The following ASRGL1 variants were observed in gnomAD, a reference collection of about 807,000 sequenced individuals.
The protein encoded by ASRGL1 is asparaginase and isoaspartyl peptidase 1, also known as isoaspartyl peptidase/L-asparaginase.
ASRGL1 carries 16 observed loss-of-function variants against 22.4 expected under a neutral mutation model. The ratio of observed to expected loss-of-function variants is 0.71; its 90% CI spans 0.48 to 1.08. The LOEUF is 1.08. Ranked by LOEUF, ASRGL1 falls within the 50% of genes least tolerant of loss-of-function variation. ASRGL1 has a pLI of 0.00. For synonymous variants in ASRGL1, 165 were observed against 159.3 expected, an observed-to-expected ratio of 1.04 and a Z score of -0.27; for missense variants, 412 against 410.1, an observed-to-expected ratio of 1.00 and a Z score of -0.04.
downstream of ASRGL1, among the ~76,000 whole-genome samples, chr11:62,397,459 G>A (rs772968259): frequency 2.0e-5 from 3 of 151,992 alleles, no homozygotes; most frequent in Admixed American, 6.6e-5. Flanking sequence ...TGAGGTCAGG[G>A]TTCGAGACCA....
At chr11:62,385,397 C>G (rs1947176977) in intron 4 of ASRGL1, among the ~76,000 whole-genome samples, 1 of 152,052 alleles carries the variant, frequency 6.6e-6, no homozygotes, top group Non-Finnish European at 1.5e-5. Context: ...GCCTTGAGCT[C>G]CTGGGCTCAA....
chr11:62,347,375 G>A (rs557252294), intron 2 of ASRGL1, among the ~76,000 whole-genome samples: 3 of 152,158 alleles, frequency 2.0e-5, no homozygotes, highest in South Asian at 2.1e-4. Flanking sequence ...CCCCTTCCTC[G>A]GAGATAGAGG....
chr11:62,372,995 C>A, intron 4 of ASRGL1: 1 of 1,398,990 alleles, frequency 7.1e-7, no homozygotes, highest in Non-Finnish European at 1.0e-6. Flanking sequence ...GGGAACTGGG[C>A]TACAGGGATC....
chr11:62,381,862 C>T (rs537806060), intron 4 of ASRGL1: 5 of 153,006 alleles, frequency 3.3e-5, no homozygotes, highest in African/African-American at 1.2e-4. Flanking sequence ...CTCTCATCAA[C>T]TTGTTCTCAA....
intron 4 of ASRGL1, among the ~76,000 whole-genome samples, chr11:62,384,818 T>C (rs1947162268): frequency 7.6e-6 from 1 of 131,004 alleles, no homozygotes; most frequent in African/African-American, 3.0e-5. Flanking sequence ...CTCAGGAGGC[T>C]GAGGCAGGAG....
chr11:62,338,693 T>C (rs1945787815), intron 2 of ASRGL1, among the ~76,000 whole-genome samples: 1 of 151,570 alleles, frequency 6.6e-6, no homozygotes, highest in Non-Finnish European at 1.5e-5. Flanking sequence ...CCCAGCACTT[T>C]GGGAGGCCAA....
At chr11:62,379,280 G>A (rs966793356) in intron 4 of ASRGL1, among the ~76,000 whole-genome samples, 1 of 152,140 alleles carries the variant, frequency 6.6e-6, no homozygotes, top group Non-Finnish European at 1.5e-5. Context: ...AGAGACATCT[G>A]CTCCAGTGTC....
chr11:62,398,450 C>T, the ASRGL1 span, among the ~76,000 whole-genome samples: 1 of 152,198 alleles, frequency 6.6e-6, no homozygotes, highest in Admixed American at 6.5e-5. Context: ...TACAAATTAC[C>T]CCAGGTGGAG....
At chr11:62,365,072 A>T (rs965996439) in intron 4 of ASRGL1, among the ~76,000 whole-genome samples, 3 of 151,840 alleles carry the variant, frequency 2.0e-5, no homozygotes, top group Non-Finnish European at 4.4e-5. Context: ...CATCTCAAAA[A>T]AAAAAAAAAA....
rs921908092 is a variant in ASRGL1, at chr11:62,372,830, G to A, written c.491+15686G>A. 3.7e-6 allele frequency: 6 copies of A among 1,602,344 alleles called. No homozygotes were observed. In the African/African-American group the frequency reaches 6.7e-5, roughly 18 times the overall value. On this transcript the variant is annotated intron_variant, in intron 4 of 6. Coordinates refer to ENST00000415229, the MANE Select transcript of ASRGL1 (RefSeq NM_001083926.2). Reference sequence around the variant, plus strand: ...GTGAAGTGGGTGGTCTGTTTTTCTGGGGGGCCACCAACACCTCCCATGAAT... The same window carrying A: ...GTGAAGTGGGTGGTCTGTTTTTCTGAGGGGCCACCAACACCTCCCATGAAT...
chr11:62,386,920 T>C (rs1201578629), intron 4 of ASRGL1, among the ~76,000 whole-genome samples: 1 of 150,062 alleles, frequency 6.7e-6, no homozygotes, highest in Non-Finnish European at 1.5e-5. Flanking sequence ...TGAGATGGAG[T>C]CTCACTCTGT....
At position 62,364,158 on chromosome 11, in the gene ASRGL1, C is replaced by CAAAAA. The variant is rs71053048; in HGVS notation, c.491+7030_491+7034dup. Among the ~76,000 whole-genome samples the CAAAAA allele has an allele frequency of 2.5e-3, 233 of 93,468 alleles. 2 individuals are homozygous for CAAAAA. Among genetic ancestry groups the CAAAAA allele is most frequent in the African/African-American group, 9.5e-3 (212 of 22,272 alleles). 61.3% of individuals were successfully genotyped at this position (93,468 alleles called of 152,430 possible). On this transcript the variant is annotated intron_variant, in intron 4 of 6. Transcript: ENST00000415229. The stretch of plus-strand genomic sequence containing the variant: ...TGGGTGACAGGGTAAGAGTCCGTCT[C>CAAAAA]AAAAAAAAAAAAAAAAAAAATCAGT...
chr11:62,340,112 T>A (rs1160363101), intron 2 of ASRGL1, among the ~76,000 whole-genome samples: 1 of 147,106 alleles, frequency 6.8e-6, no homozygotes, highest in Non-Finnish European at 1.5e-5. Context: ...AAAAAAAAAA[T>A]ACAAAAATCA....
intron 2 of ASRGL1, among the ~76,000 whole-genome samples, chr11:62,355,689 T>C (rs977967139): frequency 1.3e-5 from 2 of 150,008 alleles, no homozygotes; most frequent in African/African-American, 4.9e-5. Context: ...GGCAGGGTCA[T>C]AGGACAATAG....
At chr11:62,338,410 T>A in intron 2 of ASRGL1, 1 of 442,728 alleles carries the variant, frequency 2.3e-6, no homozygotes, top group South Asian at 4.6e-5. Context: ...TCTTGGGAAA[T>A]CCTGAGAATG....
chr11:62,374,487 T>C (rs1031338697), intron 4 of ASRGL1, among the ~76,000 whole-genome samples: 1 of 152,190 alleles, frequency 6.6e-6, no homozygotes, highest in African/African-American at 2.4e-5. Context: ...GACTAGAAAC[T>C]TAAGTGTGAG....
chr11:62,352,728 C>T (rs1422629140), intron 2 of ASRGL1, among the ~76,000 whole-genome samples: 2 of 152,164 alleles, frequency 1.3e-5, no homozygotes, highest in African/African-American at 4.8e-5. Flanking sequence ...TTCTTTTCTT[C>T]AGCACTTGAA....
chr11:62,390,869 T>C (rs1947319850), intron 5 of ASRGL1, among the ~76,000 whole-genome samples: 2 of 152,176 alleles, frequency 1.3e-5, no homozygotes, highest in African/African-American at 2.4e-5. Context: ...CTTCCAAGGC[T>C]AAAGGACTCT....
the ASRGL1 span, among the ~76,000 whole-genome samples, chr11:62,399,564 C>T: frequency 8.5e-4 from 129 of 152,348 alleles, no homozygotes; most frequent in African/African-American, 3.0e-3. Flanking sequence ...ACCATGGCTA[C>T]GGCCCTCCTG....
Sources: gnomAD v4.1 joint callset for allele counts (sites outside exome capture counted in the v4.1 genomes callset) on GRCh38, gnomAD v4.1.1 for gene constraint, MANE v1.5 for transcripts, NCBI Gene and HGNC (gene_info 2026-07-23, HGNC 2026-07-21) for gene names.